Variants in NCAM1 observed in about 807,000 individuals in gnomAD.
NCAM1 encodes neural cell adhesion molecule 1, also known as antigen recognized by monoclonal antibody 5.1H11.
Under a neutral mutation model 109.8 loss-of-function variants are expected in NCAM1, and 14 were observed. The ratio of observed to expected loss-of-function variants is 0.13; its 90% confidence interval spans 0.08 to 0.20. NCAM1 has a LOEUF of 0.20. Ranked by LOEUF, NCAM1 falls within the 10% of genes least tolerant of loss-of-function variation. The pLI is 1.00. For missense variants in NCAM1, 774 were observed against 1,109.9 expected (o/e 0.70, Z 4.30); for synonymous variants, 418 against 442.9 (o/e 0.94, Z 0.70).
At chr11:113,074,492 C>A (rs1478527140) in intron 1 of NCAM1, among the ~76,000 whole-genome samples, 1 of 152,116 alleles carries the variant, frequency 6.6e-6, no homozygotes, top group Non-Finnish European at 1.5e-5. Context: ...TCTAAGACAG[C>A]CCTGTCCAAA....
At chr11:113,124,814 C>T (rs1169607230) in intron 1 of NCAM1, among the ~76,000 whole-genome samples, 2 of 152,114 alleles carry the variant, frequency 1.3e-5, no homozygotes, top group East Asian at 3.9e-4. Flanking sequence ...TGGATTACTC[C>T]GGGTCTGGCA....
chr11:113,077,129 T>G (rs1210018655), intron 1 of NCAM1, among the ~76,000 whole-genome samples: 1 of 152,218 alleles, frequency 6.6e-6, no homozygotes, highest in Non-Finnish European at 1.5e-5. Flanking sequence ...GCCCCTTCTT[T>G]CTAGGAACCT....
chr11:113,125,118 C>T (rs782436735), intron 1 of NCAM1, among the ~76,000 whole-genome samples: 1 of 152,088 alleles, frequency 6.6e-6, no homozygotes. Flanking sequence ...AGGATGCCAC[C>T]CTCGTATTCT....
chr11:113,188,822 TGTGTGA>T (rs1191749025), intron 1 of NCAM1, among the ~76,000 whole-genome samples: 12 of 150,452 alleles, frequency 8.0e-5, no homozygotes, highest in African/African-American at 2.7e-4. Flanking sequence ...GGTGTGTGTG[TGTGTGA>T]GTGTGAGTGT....
chr11:112,990,021 T>C (rs1375761284), intron 1 of NCAM1, among the ~76,000 whole-genome samples: 1 of 152,180 alleles, frequency 6.6e-6, no homozygotes, highest in African/African-American at 2.4e-5. Context: ...AGCTGGGTCA[T>C]GTGGCTGCTA....
Position 113,277,677 on chromosome 11 carries a change from G to A in NCAM1, c.*2290G>A, listed in dbSNP as rs1946425127. 1 of 355,860 alleles carries A rather than the reference G, an allele frequency of 2.8e-6. No individual in the cohort carries two copies. The highest frequency in any genetic ancestry group is 4.7e-5 in the Admixed American group (1 of 21,256). 22.0% of individuals were successfully genotyped at this position (355,860 alleles called of 1,614,324 possible). A position where few individuals can be genotyped will look rare whatever the true frequency, so the allele number is the denominator to read the frequency against. ...GTTGTGGTTAGGTCAAACTGGTTTTGGTTCTGATGGTTAGGAAGAAACAGG... is the reference window on the plus strand; with the variant it reads ...GTTGTGGTTAGGTCAAACTGGTTTTAGTTCTGATGGTTAGGAAGAAACAGG... On this transcript the variant is annotated 3_prime_UTR_variant, in exon 20 of 20. Transcript: ENST00000316851.
Position 113,271,810 on chromosome 11 carries a change from G to A in NCAM1, c.2390G>A (p.Arg797Lys), listed in dbSNP as rs141580143. 1.3e-6 allele frequency: 2 copies of A among 1,571,800 alleles called. No homozygotes were observed. Among genetic ancestry groups the A allele is most frequent in the Middle Eastern group, 1.7e-4 (1 of 6,016 alleles). ...GTGGAGGTTCGAACGGAGGAGGAGA[G>A]GACCCCAAACCATGATGGAGGGAAA... is the stretch of plus-strand genomic sequence containing the variant. ...PIVEVRTEEE[R>K]TPNHDGGKHT... The change falls in exon 19 of 20, where the codon AGG (arginine) becomes AAG (lysine). Residue 797 changes from arginine (R) to lysine (K), a missense_variant. Physicochemically the swap from Arg to Lys is conservative, Grantham distance 26. Transcript: ENST00000316851.
intron 14 of NCAM1, among the ~76,000 whole-genome samples, chr11:113,242,470 C>T (rs372095959): frequency 2.0e-5 from 3 of 151,986 alleles, no homozygotes; most frequent in African/African-American, 4.8e-5. Context: ...ATTAGCCAGG[C>T]GTGGTGGCAT....
intron 1 of NCAM1, among the ~76,000 whole-genome samples, chr11:113,150,666 T>C (rs1473132768): frequency 3.3e-5 from 5 of 152,024 alleles, no homozygotes; most frequent in Admixed American, 2.6e-4. Context: ...AAAGGTGGAG[T>C]ATCTTCTTTC....
At chr11:113,161,283 T>C (rs1942592305) in intron 1 of NCAM1, among the ~76,000 whole-genome samples, 1 of 152,236 alleles carries the variant, frequency 6.6e-6, no homozygotes, top group Admixed American at 6.5e-5. Flanking sequence ...AACGTTTTAC[T>C]TCTTTCTTCA....
At chr11:113,157,136 GAC>G (rs112454729) in intron 1 of NCAM1, among the ~76,000 whole-genome samples, 176 of 146,450 alleles carry the variant, frequency 1.2e-3, no homozygotes, top group South Asian at 8.3e-3. Context: ...GTTTCCCTGA[GAC>G]ACACACACAC....
intron 1 of NCAM1, among the ~76,000 whole-genome samples, chr11:113,092,935 T>A (rs1263595953): frequency 6.6e-6 from 1 of 152,190 alleles, no homozygotes; most frequent in African/African-American, 2.4e-5. Flanking sequence ...ATGCTGAATA[T>A]GAAAATACTA....
chr11:113,115,272 T>G (rs1239215533), intron 1 of NCAM1, among the ~76,000 whole-genome samples: 7 of 152,154 alleles, frequency 4.6e-5, no homozygotes, highest in Admixed American at 3.3e-4. Context: ...ATAGGTACTG[T>G]GTCAAGGAAG....
At chr11:112,991,009 C>T (rs1023600425) in intron 1 of NCAM1, among the ~76,000 whole-genome samples, 4 of 152,166 alleles carry the variant, frequency 2.6e-5, no homozygotes, top group East Asian at 1.9e-4. Flanking sequence ...TTGGGAGCTA[C>T]GTGCATCTGT....
At chr11:113,003,039 G>C (rs1387668228) in intron 1 of NCAM1, among the ~76,000 whole-genome samples, 1 of 152,174 alleles carries the variant, frequency 6.6e-6, no homozygotes, top group African/African-American at 2.4e-5. Flanking sequence ...CATAGTTCAG[G>C]CATTTCCTTC....
chr11:113,232,029 A>C, intron 10 of NCAM1, 141 bp from the exon 11 acceptor site: 2 of 961,940 alleles, frequency 2.1e-6, no homozygotes, highest in Non-Finnish European at 3.0e-6. Context: ...GTGCACAGGA[A>C]TTCTAGAATG....
chr11:112,969,234 G>A (rs1171120901), intron 1 of NCAM1, among the ~76,000 whole-genome samples: 1 of 152,080 alleles, frequency 6.6e-6, no homozygotes, highest in African/African-American at 2.4e-5. Context: ...GAGTAGTGGG[G>A]AGGAGTAGCC....
At chr11:113,069,329 A>G (rs1212398324) in intron 1 of NCAM1, among the ~76,000 whole-genome samples, 3 of 152,240 alleles carry the variant, frequency 2.0e-5, no homozygotes, top group African/African-American at 7.2e-5. Flanking sequence ...TAATGCCAGC[A>G]GCAGTGGGCA....
At chr11:113,016,347 G>C (rs1339419757) in intron 1 of NCAM1, among the ~76,000 whole-genome samples, 4 of 152,132 alleles carry the variant, frequency 2.6e-5, no homozygotes, top group African/African-American at 9.7e-5. Flanking sequence ...GTGATGACCT[G>C]GCTGAAATTT....
Sources: gnomAD v4.1 joint callset for allele counts (sites outside exome capture counted in the v4.1 genomes callset) on GRCh38, gnomAD v4.1.1 for gene constraint, MANE v1.5 for transcripts, NCBI Gene and HGNC (gene_info 2026-07-23, HGNC 2026-07-21) for gene names.